Variants in KCNN2 observed in about 807,000 individuals in gnomAD.
KCNN2 encodes small conductance calcium-activated potassium channel protein 2.
KCNN2 carries 24 observed loss-of-function variants against 55.5 expected under a neutral mutation model. The observed-to-expected ratio is 0.43, with a 90% CI of 0.31 to 0.61. KCNN2 has a LOEUF of 0.61. KCNN2 is among the 20% of genes least tolerant of loss of function. The probability of loss-of-function intolerance (pLI) is 0.08; values close to 1 mark genes in which losing one functional copy is unlikely to be tolerated. For synonymous variants in KCNN2, 431 were observed against 336.1 expected (o/e 1.28, Z -3.09); for missense variants, 754 against 853.6 (o/e 0.88, Z 1.45).
chr5:114,189,167 T>C (rs559728834), intron 1 of KCNN2, among the ~76,000 whole-genome samples: 16 of 152,026 alleles, frequency 1.1e-4, no homozygotes, highest in Admixed American at 4.6e-4. Flanking sequence ...TGTGTGTGTG[T>C]GTGTAAAGAT....
intron 2 of KCNN2, among the ~76,000 whole-genome samples, chr5:114,285,283 C>CAAAAA (rs70976334): frequency 1.4e-4 from 8 of 56,284 alleles, no homozygotes; most frequent in African/African-American, 2.3e-4. Flanking sequence ...ACTCCATCTC[C>CAAAAA]AAAAAAAAAA....
At chr5:114,383,141 G>T (rs998810448) in intron 2 of KCNN2, among the ~76,000 whole-genome samples, 1 of 152,118 alleles carries the variant, frequency 6.6e-6, no homozygotes, top group Admixed American at 6.5e-5. Context: ...TTTAGTAGAA[G>T]AACTGTTTAG....
At chr5:114,182,476 T>C (rs146982005) in intron 1 of KCNN2, among the ~76,000 whole-genome samples, 23 of 152,270 alleles carry the variant, frequency 1.5e-4, no homozygotes, top group African/African-American at 5.3e-4. Flanking sequence ...AATTACATCT[T>C]AACAATATTG....
intron 1 of KCNN2, among the ~76,000 whole-genome samples, chr5:114,123,257 T>G (rs1751860238): frequency 6.6e-6 from 1 of 152,172 alleles, no homozygotes. Flanking sequence ...TTTTCTGTGC[T>G]TGGAGGTTTG....
intron 1 of KCNN2, among the ~76,000 whole-genome samples, chr5:114,100,573 CATGTGGGT>C (rs1347990514): frequency 6.6e-6 from 1 of 151,976 alleles, no homozygotes; most frequent in East Asian, 1.9e-4. Context: ...TATATGTATC[CATGTGGGT>C]ATGTGTGTGT....
At chr5:114,087,814 A>C (rs1751048878) in intron 1 of KCNN2, among the ~76,000 whole-genome samples, 1 of 151,956 alleles carries the variant, frequency 6.6e-6, no homozygotes, top group African/African-American at 2.4e-5. Flanking sequence ...TTTTAATATT[A>C]TCTTTAACTT....
chr5:114,146,493 T>C (rs1277539890), intron 1 of KCNN2, among the ~76,000 whole-genome samples: 1 of 152,198 alleles, frequency 6.6e-6, no homozygotes, highest in East Asian at 1.9e-4. Flanking sequence ...CATGAAAACA[T>C]ATGTTTTTAA....
chr5:114,190,857 A>G lies in KCNN2; in HGVS notation c.-270-30623A>G, dbSNP rs543972674. Among the ~76,000 whole-genome samples, 3 of 152,248 alleles carry G rather than the reference A, an allele frequency of 2.0e-5. No homozygotes were observed. The South Asian group carries it at 6.2e-4, about 32-fold the overall frequency. ...CTTCTAAATGCTTGTAGTGATTTTT[A>G]TTAGATATTGATTGGGGAACGGTTA... On this transcript the variant is annotated intron_variant, in intron 1 of 10. Transcript: ENST00000512097.
intron 3 of KCNN2, among the ~76,000 whole-genome samples, chr5:114,453,365 T>G (rs954568395): frequency 6.6e-6 from 1 of 152,200 alleles, no homozygotes; most frequent in African/African-American, 2.4e-5. Context: ...TTAAAACAAA[T>G]AATGTTAGAG....
chr5:114,379,929 C>T (rs1758065201), intron 2 of KCNN2, among the ~76,000 whole-genome samples: 1 of 147,584 alleles, frequency 6.8e-6, no homozygotes, highest in Admixed American at 6.8e-5. Flanking sequence ...TATATACCAT[C>T]TATATTATAT....
At chr5:114,454,974 A>G (rs890037244) in intron 3 of KCNN2, among the ~76,000 whole-genome samples, 4 of 152,028 alleles carry the variant, frequency 2.6e-5, no homozygotes, top group African/African-American at 9.7e-5. Context: ...CTATTTGTTT[A>G]CTATTTGCTC....
chr5:114,463,216 CTT>C (rs762081683), intron 4 of KCNN2, 26 bp downstream of exon 4: 44 of 1,588,700 alleles, frequency 2.8e-5, no homozygotes, highest in Non-Finnish European at 3.6e-5. Flanking sequence ...CTTCACATCT[CTT>C]TTATTTACGC....
intron 2 of KCNN2, among the ~76,000 whole-genome samples, chr5:114,300,061 C>A (rs777334415): frequency 6.6e-6 from 1 of 152,058 alleles, no homozygotes. Flanking sequence ...GATACTCAGC[C>A]CTCCTACCCT....
intron 2 of KCNN2, among the ~76,000 whole-genome samples, chr5:114,261,692 A>G (rs1427097256): frequency 2.0e-5 from 3 of 152,186 alleles, no homozygotes; most frequent in Admixed American, 6.6e-5. Flanking sequence ...AACTCCACCT[A>G]TGTATTGCCA....
intron 1 of KCNN2, among the ~76,000 whole-genome samples, chr5:114,072,388 A>G (rs1398335629): frequency 3.9e-5 from 6 of 152,228 alleles, no homozygotes; most frequent in African/African-American, 1.4e-4. Context: ...GACCCCTGCC[A>G]GACCCTGGGA....
intron 1 of KCNN2, among the ~76,000 whole-genome samples, chr5:114,123,380 T>TG: frequency 2.1e-5 from 1 of 48,018 alleles, no homozygotes; most frequent in African/African-American, 1.5e-4. Flanking sequence ...TTTTTTTTTT[T>TG]GAGACAGAGT....
At chr5:114,141,698 T>A (rs62381857) in intron 1 of KCNN2, among the ~76,000 whole-genome samples, 21,673 of 152,154 alleles carry the variant, frequency 0.14, 2,148 homozygotes, top group African/African-American at 0.29. Context: ...TCCCTGAGGA[T>A]TCGCCACACT....
At chr5:114,338,050 A>C (rs1756950828) in intron 2 of KCNN2, among the ~76,000 whole-genome samples, 1 of 152,206 alleles carries the variant, frequency 6.6e-6, no homozygotes, top group Non-Finnish European at 1.5e-5. Flanking sequence ...AAAATCAACC[A>C]GCTATGCACT....
rs528017314 is a variant in KCNN2 at position 114,087,122 on chromosome 5, ATTTG to A, written c.-271+30629_-271+30632del. Among the ~76,000 whole-genome samples, 812 of 151,692 alleles carry A rather than the reference ATTTG, an allele frequency of 5.4e-3. 10 individuals are homozygous for A. Among genetic ancestry groups the A allele is most frequent in the African/African-American group, 0.018 (757 of 41,380 alleles). ...CCTTTGCCCATTTTTAAATGGATTT[ATTTG>A]TTTGTTCCTTATTGAGTTGTTTAAG... On this transcript the variant is annotated intron_variant, in intron 1 of 10. Transcript: ENST00000512097.
Sources: allele counts gnomAD v4.1 joint callset (sites outside exome capture counted in the v4.1 genomes callset), GRCh38; gene constraint gnomAD v4.1.1; transcripts MANE v1.5; gene names NCBI Gene and HGNC (gene_info 2026-07-23, HGNC 2026-07-21).